TRPV6: variants seen among roughly 807,000 people sequenced by gnomAD.
TRPV6 encodes transient receptor potential cation channel subfamily V member 6.
In TRPV6, 39 loss-of-function variants were observed where a neutral mutation model predicts 79.0. That is an observed-to-expected ratio of 0.49 (90% CI 0.38 to 0.64). The LOEUF is 0.64. Among genes scored for constraint, TRPV6 ranks in the 30% least tolerant of loss-of-function variants. The pLI, the probability that TRPV6 is intolerant of heterozygous loss-of-function variation, is 0.00. For missense variants in TRPV6, 813 were observed against 1,011.1 expected (o/e 0.80, Z 2.66); for synonymous variants, 373 against 391.9 (o/e 0.95, Z 0.57).
intron 10 of TRPV6, 41 bp downstream of exon 10, chr7:142,874,863 C>G (rs753643863): frequency 2.5e-6 from 4 of 1,611,458 alleles, no homozygotes; most frequent in Non-Finnish European, 3.4e-6. Flanking sequence ...AACTGGAGCC[C>G]TGTTGAGGGA....
chr7:142,884,547 C>G (rs115655495), intron 1 of TRPV6: 1 of 152,210 alleles, frequency 6.6e-6, no homozygotes, highest in Non-Finnish European at 1.5e-5. Flanking sequence ...CCCTGAGTTC[C>G]GATTCCCTGC....
At position 142,871,941 on chromosome 7, in the gene TRPV6, TGCGTA is replaced by T. The variant is rs1563352444; in HGVS notation, c.2059_2063del (p.Tyr687ThrfsTer9). On this transcript the variant is annotated frameshift_variant, in exon 15 of 15. Transcript: ENST00000359396. LOFTEE classifies it low-confidence loss of function (END_TRUNC). ...CAGAGCCCCGGGTGTGGAAGGCCTG[TGCGTA>T]GCGTTGGATCCGCTGCCGGTTGAGA... The T allele has an allele frequency of 6.2e-7, 1 of 1,612,492 alleles. No individual in the cohort carries two copies. Among genetic ancestry groups the T allele is most frequent in the Non-Finnish European group, 8.5e-7 (1 of 1,178,946 alleles).
intron 7 of TRPV6, 33 bp downstream of exon 7, chr7:142,875,725 T>A: frequency 1.3e-6 from 2 of 1,596,110 alleles, no homozygotes; most frequent in Non-Finnish European, 1.7e-6. Context: ...CTGACACCCC[T>A]CCCCAGCCAC....
At position 142,885,165 on chromosome 7, in the gene TRPV6, T is replaced by G. The variant is rs1795278827; in HGVS notation, c.248+224A>C. Reference sequence around the variant, plus strand: ...AAGAGGCTTGCAGAATCGAATTAGATCTTAAGATAGTGAACACCTGTGCCC... The same window carrying G: ...AAGAGGCTTGCAGAATCGAATTAGAGCTTAAGATAGTGAACACCTGTGCCC... On this transcript the variant is annotated intron_variant, in intron 1 of 14. Coordinates refer to ENST00000359396, the MANE Select transcript of TRPV6 (RefSeq NM_018646.6). 1.2e-5 allele frequency: 5 copies of G among 423,126 alleles called. No homozygotes were observed. In the Admixed American group the frequency reaches 2.0e-4, roughly 17 times the overall value. 26.2% of individuals were successfully genotyped at this position (423,126 alleles called of 1,614,324 possible).
chr7:142,877,097 C>T, intron 4 of TRPV6, 45 bp downstream of exon 4: 3 of 1,589,810 alleles, frequency 1.9e-6, no homozygotes, highest in Non-Finnish European at 2.6e-6. Context: ...CCTGCCTTGC[C>T]CACCTTTCCA....
intron 1 of TRPV6, chr7:142,878,322 T>C (rs1231393981): frequency 2.2e-6 from 1 of 458,264 alleles, no homozygotes; most frequent in African/African-American, 2.0e-5. Context: ...TATCAGTGCA[T>C]TTCAGGTACG....
chr7:142,877,404 T>C, intron 3 of TRPV6, 125 bp from the exon 4 acceptor site: 2 of 1,505,618 alleles, frequency 1.3e-6, no homozygotes, highest in East Asian at 4.7e-5. Context: ...AGCTCTCGGG[T>C]GTTCAGGATT....
Position 142,876,501 on chromosome 7 carries a change from G to A in TRPV6, c.789C>T (p.Asp263=). ...GGGGCTGCAGGTGGTCCCCATGTCT[G>A]TCGTAGGACAGCAACAGGTTGTACA... Residue 263 remains aspartate (D), a synonymous_variant, in exon 6 of 15, where the codon GAC becomes GAT. Transcript: ENST00000359396. 1.2e-6 allele frequency: 2 copies of A among 1,614,184 alleles called. No individual in the cohort carries two copies. Among genetic ancestry groups the A allele is most frequent in the African/African-American group, 1.3e-5 (1 of 75,030 alleles).
chr7:142,872,425 A>G lies in TRPV6; in HGVS notation c.1962T>C (p.Pro654=), dbSNP rs1364013685. 3 of 1,614,126 alleles carry G rather than the reference A, an allele frequency of 1.9e-6. No individual in the cohort carries two copies. Among genetic ancestry groups the G allele is most frequent in the Non-Finnish European group, 2.5e-6 (3 of 1,180,046 alleles). ...ACTCCCGTCCGCAGATCCCGGAGCG[A>G]GGCCACAGGCAGCGAGGCAGCTTCC... Residue 654 remains proline, a synonymous_variant, in exon 14 of 15, where the codon CCT becomes CCC. Transcript: ENST00000359396.
At chr7:142,876,357 T>C (rs912313148) in intron 6 of TRPV6, 51 bp downstream of exon 6, 3 of 1,577,896 alleles carry the variant, frequency 1.9e-6, no homozygotes, top group Non-Finnish European at 2.6e-6. Flanking sequence ...GCCAGCGGGA[T>C]AGGTTGAGGG....
At chr7:142,884,660 T>G (rs796457886) in intron 1 of TRPV6, 6 of 152,344 alleles carry the variant, frequency 3.9e-5, no homozygotes, top group African/African-American at 1.2e-4. Flanking sequence ...TCCTTAGGGC[T>G]TAAACGCTAG....
intron 10 of TRPV6, 116 bp downstream of exon 10, chr7:142,874,788 C>T (rs1795019430): frequency 1.3e-6 from 2 of 1,549,786 alleles, no homozygotes; most frequent in Admixed American, 3.4e-5. Context: ...CAGGGTCATA[C>T]ACACAGCACT....
chr7:142,875,093 G>A lies in TRPV6; in HGVS notation c.1314C>T (p.Ile438=). 1 of 1,614,166 alleles carries A rather than the reference G, an allele frequency of 6.2e-7. No homozygotes were observed. Among genetic ancestry groups the A allele is most frequent in the Non-Finnish European group, 8.5e-7 (1 of 1,180,042 alleles). Residue 438 remains isoleucine, a synonymous_variant, in exon 9 of 15, where the codon ATC becomes ATT. Coordinates refer to ENST00000359396, the MANE Select transcript of TRPV6 (RefSeq NM_018646.6). ...CACACCTCACCTCTACCAGCAGGATGATGATAGCCCCAATGACAGTCACCA... is the reference window on the plus strand; with the variant it reads ...CACACCTCACCTCTACCAGCAGGATAATGATAGCCCCAATGACAGTCACCA...
Position 142,871,602 on chromosome 7 carries a change from C to T in TRPV6, c.*105G>A. The stretch of plus-strand genomic sequence containing the variant: ...GGCGTTCATGCTACTCCTCTTTCTC[C>T]CCTGGGGCCTGGGAGATGAGACCTC... On this transcript the variant is annotated 3_prime_UTR_variant, in exon 15 of 15. Transcript: ENST00000359396. 7.2e-7 allele frequency: 1 copy of T among 1,381,982 alleles called. No homozygotes were observed. The highest frequency in any genetic ancestry group is 9.9e-7 in the Non-Finnish European group (1 of 1,013,942). The allele number at this position is 1,381,982 out of a possible 1,614,324, so 85.6% of individuals were successfully genotyped here.
chr7:142,877,898 TAGG>T (rs767495056), intron 2 of TRPV6, 28 bp downstream of exon 2: 6 of 1,613,038 alleles, frequency 3.7e-6, no homozygotes. Context: ...GGGGCTCACC[TAGG>T]AGATCATGCT....
rs751387605 is a variant in TRPV6, at chr7:142,877,652, C to T, written c.468G>A (p.Glu156=). The change falls in exon 3 of 15, where the codon GAG becomes GAA. Residue 156 remains glutamate (E), a splice_region_variant and synonymous_variant. Transcript: ENST00000359396. ...CACCCCAGACCCGTGGGCCCTCACC[C>T]TCATAGAGCTCAGATGTCATGGGCT... The T allele has an allele frequency of 1.9e-6, 3 of 1,614,142 alleles. No individual in the cohort carries two copies. Among genetic ancestry groups the T allele is most frequent in the South Asian group, 1.1e-5 (1 of 91,072 alleles).
In TRPV6 at chr7:142,871,758, CCCA is replaced by C; in HGVS notation, c.2244_2246del (p.Gly749del). The C allele has an allele frequency of 6.2e-7, 1 of 1,613,862 alleles. No individual in the cohort carries two copies. The highest frequency in any genetic ancestry group is 1.1e-5 in the South Asian group (1 of 91,070). On this transcript the variant is annotated inframe_deletion, in exon 15 of 15. Transcript: ENST00000359396. Reference sequence around the variant, plus strand: ...CGTCCTCCAGACCCCTGTTGATTATCCCACGCAGGTCTCTCCTCAGGGTCCCTT... The same window carrying C: ...CGTCCTCCAGACCCCTGTTGATTATCCGCAGGTCTCTCCTCAGGGTCCCTT...
chr7:142,875,353 A>G (rs1012462452), intron 8 of TRPV6, 115 bp downstream of exon 8: 49 of 1,301,630 alleles, frequency 3.8e-5, no homozygotes, highest in Middle Eastern at 2.4e-4. Flanking sequence ...GTTTGTACCC[A>G]TATATTTGAG....
At position 142,885,585 on chromosome 7, in the gene TRPV6, C is replaced by A. The variant is rs17881456; in HGVS notation, c.52G>T (p.Ala18Ser). The change falls in exon 1 of 15, where the codon GCC (alanine) becomes TCC (serine). Residue 18 changes from alanine to serine, a missense_variant. Ala to Ser is a moderately conservative substitution (Grantham distance 99). This residue lies in a region of TRPV6 where 555 missense variants were observed against 631.0 expected (regional missense o/e 0.88). Coordinates refer to ENST00000359396, the MANE Select transcript of TRPV6 (RefSeq NM_018646.6). ...ACCCTGACGGGACTCAGCCTTGGGG[C>A]CACATCAGCCCCCCCAAGGGCCGGC... 54,799 of 1,501,790 alleles carry A rather than the reference C, an allele frequency of 0.036. 1,197 individuals are homozygous for A. The highest frequency in any genetic ancestry group is 0.044 in the Admixed American group (1,946 of 44,450). The allele number at this position is 1,501,790 out of a possible 1,614,324, so 93.0% of individuals were successfully genotyped here.
Sources: allele counts gnomAD v4.1 joint callset, GRCh38; gene constraint gnomAD v4.1.1; regional missense constraint gnomAD v4.1.1; transcripts MANE v1.5; gene names NCBI Gene and HGNC (gene_info 2026-07-23, HGNC 2026-07-21).